EYS: variants seen among roughly 807,000 people sequenced by gnomAD.
EYS encodes EGF-like photoreceptor maintenance factor.
In EYS, 250 loss-of-function variants were observed where a neutral mutation model predicts 282.1. The observed-to-expected ratio is 0.89, with a 90% CI of 0.80 to 0.98. The LOEUF is 0.98. Ranked by LOEUF, EYS falls within the 50% of genes least tolerant of loss-of-function variation. EYS has a pLI of 0.00. For missense variants in EYS, 4,016 were observed against 3,709.0 expected, an observed-to-expected ratio of 1.08 and a Z score of -2.15; for synonymous variants, 1,355 against 1,282.9, an observed-to-expected ratio of 1.06 and a Z score of -1.20.
In EYS at chr6:63,864,278, G is replaced by A. The variant is rs1772618247; in HGVS notation, c.7136C>T (p.Pro2379Leu). ...LCQFASCENN[P>L]CGNGATCVPK... ...AACACAGGTGGCACCATTTCCACAT[G>A]GGTTGTTTTCACAACTTGCAAACTG... Residue 2379 changes from proline (P) to leucine (L), a missense_variant, in exon 36 of 43, where the codon CCA becomes CTA. Pro to Leu is a moderately conservative substitution (Grantham distance 98, BLOSUM62 -3). Transcript: ENST00000503581. The A allele has an allele frequency of 6.4e-7, 1 of 1,551,148 alleles. No homozygotes were observed. The highest frequency in any genetic ancestry group is 2.0e-5 in the Admixed American group (1 of 50,958).
At chr6:64,224,995 C>T (rs1475132270) in intron 31 of EYS, among the ~76,000 whole-genome samples, 1 of 151,976 alleles carries the variant, frequency 6.6e-6, no homozygotes, top group African/African-American at 2.4e-5. Context: ...GAGGTTTTGC[C>T]AATTAGTCAA....
At chr6:64,828,867 T>A (rs1179307560) in intron 19 of EYS, among the ~76,000 whole-genome samples, 1 of 151,976 alleles carries the variant, frequency 6.6e-6, no homozygotes, top group Non-Finnish European at 1.5e-5. Context: ...TGAGGTTGGT[T>A]CATGGATGGG....
intron 26 of EYS, among the ~76,000 whole-genome samples, chr6:64,456,690 C>A (rs1277767238): frequency 6.6e-6 from 1 of 151,834 alleles, no homozygotes; most frequent in African/African-American, 2.4e-5. Flanking sequence ...GGCATATGCT[C>A]TAAATTTTTC....
At chr6:63,958,367 T>A (rs150129951) in intron 35 of EYS, among the ~76,000 whole-genome samples, 1,197 of 100,780 alleles carry the variant, frequency 0.012, 226 homozygotes, top group Non-Finnish European at 0.022. Context: ...TGGAAGAGAA[T>A]AATGGTCATA....
intron 22 of EYS, among the ~76,000 whole-genome samples, chr6:64,628,357 A>T: frequency 6.6e-6 from 1 of 151,982 alleles, no homozygotes; most frequent in Non-Finnish European, 1.5e-5. Context: ...CGAAGTGTTC[A>T]TTGTCTTTCC....
intron 22 of EYS, among the ~76,000 whole-genome samples, chr6:64,700,678 A>G (rs1166573024): frequency 6.6e-6 from 1 of 151,972 alleles, no homozygotes; most frequent in African/African-American, 2.4e-5. Flanking sequence ...GAGGGGAATT[A>G]TCTCTATAAG....
intron 11 of EYS, among the ~76,000 whole-genome samples, chr6:65,299,412 C>A (rs894585263): frequency 1.3e-5 from 2 of 151,998 alleles, no homozygotes; most frequent in African/African-American, 2.4e-5. Flanking sequence ...CTGACCCCCC[C>A]CAAAAAACAA....
chr6:64,616,452 G>A (rs1380847220), intron 24 of EYS, among the ~76,000 whole-genome samples: 1 of 152,134 alleles, frequency 6.6e-6, no homozygotes, highest in Non-Finnish European at 1.5e-5. Context: ...CAAAACAGAT[G>A]AGCCCTGGGA....
intron 31 of EYS, among the ~76,000 whole-genome samples, chr6:64,179,450 A>C (rs889362102): frequency 5.9e-5 from 9 of 152,106 alleles, no homozygotes; most frequent in African/African-American, 2.2e-4. Context: ...CTGTGTGATG[A>C]AACTTAAGAT....
chr6:64,301,034 C>G (rs1026589401), intron 30 of EYS, among the ~76,000 whole-genome samples: 2 of 152,166 alleles, frequency 1.3e-5, no homozygotes, highest in African/African-American at 4.8e-5. Context: ...CCAGTACTTT[C>G]AAAGTTAGAT....
chr6:65,678,197 G>A (rs563030567), intron 1 of EYS, among the ~76,000 whole-genome samples: 1 of 152,034 alleles, frequency 6.6e-6, no homozygotes, highest in East Asian at 2.0e-4. Flanking sequence ...AACTCAGAGT[G>A]AGAACTCACT....
At chr6:64,107,703 T>C (rs1165889027) in intron 31 of EYS, among the ~76,000 whole-genome samples, 2 of 152,104 alleles carry the variant, frequency 1.3e-5, no homozygotes, top group Non-Finnish European at 1.5e-5. Context: ...CAGTGTCTTT[T>C]GCCTCCTAGT....
intron 33 of EYS, among the ~76,000 whole-genome samples, chr6:64,025,325 C>A (rs1246595480): frequency 6.6e-6 from 1 of 152,088 alleles, no homozygotes; most frequent in Non-Finnish European, 1.5e-5. Flanking sequence ...CTGTGCAGCT[C>A]CGAGGTCCCA....
intron 29 of EYS, among the ~76,000 whole-genome samples, chr6:64,361,078 A>T (rs1488991920): frequency 6.6e-6 from 1 of 151,864 alleles, no homozygotes; most frequent in African/African-American, 2.4e-5. Context: ...GCACCCAAAA[A>T]GTGACCCTTC....
At chr6:64,008,716 G>A (rs1768464917) in intron 33 of EYS, among the ~76,000 whole-genome samples, 1 of 152,064 alleles carries the variant, frequency 6.6e-6, no homozygotes, top group Non-Finnish European at 1.5e-5. Flanking sequence ...TTTCTTCTTT[G>A]CTTTTAAACT....
intron 22 of EYS, among the ~76,000 whole-genome samples, chr6:64,744,993 T>C (rs1229491119): frequency 6.6e-6 from 1 of 152,144 alleles, no homozygotes; most frequent in Non-Finnish European, 1.5e-5. Flanking sequence ...CTTACTTCTC[T>C]AAAACTCTCA....
intron 26 of EYS, among the ~76,000 whole-genome samples, chr6:64,476,381 A>G (rs1174060042): frequency 6.6e-6 from 1 of 151,968 alleles, no homozygotes; most frequent in African/African-American, 2.4e-5. Flanking sequence ...TATTTTTTGA[A>G]GTAAGCTACC....
intron 5 of EYS, among the ~76,000 whole-genome samples, chr6:65,455,750 C>T (rs567255547): frequency 4.6e-5 from 7 of 152,090 alleles, no homozygotes; most frequent in South Asian, 2.1e-4. Flanking sequence ...AAAATTGAAT[C>T]GGTAACAAAA....
chr6:63,986,591 C>T (rs1767378243), intron 34 of EYS, among the ~76,000 whole-genome samples: 1 of 151,748 alleles, frequency 6.6e-6, no homozygotes, highest in Admixed American at 6.6e-5. Context: ...GAATAATATG[C>T]AGCCATAAAA....
Sources: gnomAD v4.1 joint callset for allele counts (sites outside exome capture counted in the v4.1 genomes callset) on GRCh38, gnomAD v4.1.1 for gene constraint, MANE v1.5 for transcripts, NCBI Gene and HGNC (gene_info 2026-07-23, HGNC 2026-07-21) for gene names.